Variants in SLIT2 observed in about 807,000 individuals in gnomAD.
SLIT2 encodes slit guidance ligand 2.
In SLIT2, 41 loss-of-function variants were observed where a neutral mutation model predicts 185.7. That is an observed-to-expected ratio of 0.22 (90% CI 0.17 to 0.29). The LOEUF (loss-of-function observed/expected upper bound fraction) is 0.29, where lower values mean the gene tolerates loss of function less well. Among genes scored for constraint, SLIT2 ranks in the 10% least tolerant of loss-of-function variants. The pLI is 1.00. For synonymous variants in SLIT2, 693 were observed against 680.2 expected (o/e 1.02, Z -0.29); for missense variants, 1,571 against 1,909.0 (o/e 0.82, Z 3.30).
intron 9 of SLIT2, among the ~76,000 whole-genome samples, chr4:20,505,423 A>G (rs1719114880): frequency 6.6e-6 from 1 of 152,146 alleles, no homozygotes; most frequent in Non-Finnish European, 1.5e-5. Context: ...AAGATTTGGC[A>G]TGTGGATGTT....
At chr4:20,277,837 A>G (rs985731100) in intron 4 of SLIT2, among the ~76,000 whole-genome samples, 1 of 151,176 alleles carries the variant, frequency 6.6e-6, no homozygotes, top group Non-Finnish European at 1.5e-5. Context: ...GATTCACTTA[A>G]TTAGAAATAA....
chr4:20,306,371 G>A (rs1351808465), intron 4 of SLIT2, among the ~76,000 whole-genome samples: 2 of 152,134 alleles, frequency 1.3e-5, no homozygotes, highest in Non-Finnish European at 2.9e-5. Flanking sequence ...AATGAAACCT[G>A]TCCATTTAGA....
intron 4 of SLIT2, among the ~76,000 whole-genome samples, chr4:20,294,734 T>C (rs1337684402): frequency 6.6e-6 from 1 of 152,212 alleles, no homozygotes; most frequent in African/African-American, 2.4e-5. Context: ...GAAGATTGAC[T>C]AGCCTTGTTA....
intron 29 of SLIT2, among the ~76,000 whole-genome samples, 197 bp from the exon 30 acceptor site, chr4:20,589,447 T>G (rs1185450515): frequency 6.6e-6 from 1 of 152,220 alleles, no homozygotes; most frequent in African/African-American, 2.4e-5. Context: ...ATCACAACAC[T>G]ACTTAGCAGC....
At chr4:20,399,694 G>C (rs545804456) in intron 4 of SLIT2, among the ~76,000 whole-genome samples, 1 of 151,862 alleles carries the variant, frequency 6.6e-6, no homozygotes, top group South Asian at 2.1e-4. Context: ...GTAGGTAAGA[G>C]TTATATCAAA....
chr4:20,521,088 G>A (rs985994280), intron 12 of SLIT2, among the ~76,000 whole-genome samples: 1 of 152,170 alleles, frequency 6.6e-6, no homozygotes, highest in Admixed American at 6.5e-5. Flanking sequence ...CTCCATGCCA[G>A]TTATTCACAA....
intron 33 of SLIT2, 149 bp from the exon 34 acceptor site, chr4:20,609,864 G>GA (rs1022449011): frequency 1.7e-4 from 103 of 618,038 alleles, no homozygotes; most frequent in Non-Finnish European, 2.2e-4. Flanking sequence ...GCCTATTTTT[G>GA]AAAAAAAATT....
In SLIT2 at chr4:20,391,646, A is replaced by G. The variant is rs77013215; in HGVS notation, c.396-76106A>G. On this transcript the variant is annotated intron_variant, in intron 4 of 36. Transcript: ENST00000504154. ...GCACGATTTCTGATTCAACCATACA[A>G]TACTGGATGGTGGAATAGTTGAGTA... Among the ~76,000 whole-genome samples, 107 of 152,234 alleles carry G rather than the reference A, an allele frequency of 7.0e-4. No individual in the cohort carries two copies. The East Asian group carries it at 0.02, about 28-fold the overall frequency.
chr4:20,489,151 A>C (rs1717541088), intron 8 of SLIT2, among the ~76,000 whole-genome samples, 169 bp downstream of exon 8: 1 of 152,236 alleles, frequency 6.6e-6, no homozygotes, highest in East Asian at 1.9e-4. Context: ...CTGAGACCTC[A>C]CTATATCGGT....
intron 4 of SLIT2, among the ~76,000 whole-genome samples, chr4:20,305,100 A>G (rs1438509863): frequency 6.6e-6 from 1 of 152,140 alleles, no homozygotes; most frequent in Non-Finnish European, 1.5e-5. Context: ...TGAATGTAAT[A>G]TTGAAAGCAA....
At chr4:20,400,270 G>A (rs749211901) in intron 4 of SLIT2, among the ~76,000 whole-genome samples, 3 of 151,632 alleles carry the variant, frequency 2.0e-5, no homozygotes, top group Non-Finnish European at 4.4e-5. Context: ...GGTAAAAGTG[G>A]GTGTGGAGAA....
At chr4:20,290,615 C>A (rs1240706561) in intron 4 of SLIT2, among the ~76,000 whole-genome samples, 1 of 152,148 alleles carries the variant, frequency 6.6e-6, no homozygotes, top group Non-Finnish European at 1.5e-5. Context: ...CTTATGAATA[C>A]CCTTTCTTCA....
At chr4:20,424,201 C>T (rs569574219) in intron 4 of SLIT2, among the ~76,000 whole-genome samples, 1 of 152,166 alleles carries the variant, frequency 6.6e-6, no homozygotes, top group East Asian at 1.9e-4. Flanking sequence ...ACAAACTAAC[C>T]ATAAAACACT....
Position 20,528,361 on chromosome 4 carries a change from T to C in SLIT2, c.1463-588T>C. ...TAAAACATGGTTCCGTCAAGCACCA[T>C]GGAACGTCACGCAGCTTTCTACAGC... On this transcript the variant is annotated intron_variant, in intron 15 of 36. Transcript: ENST00000504154. This position sits in a 1 kb window ranked among gnomAD's most constrained non-coding sequence, Gnocchi z 4.2. 2 of 534,540 alleles carry C rather than the reference T, an allele frequency of 3.7e-6. No homozygotes were observed. Among genetic ancestry groups the C allele is most frequent in the South Asian group, 2.8e-5 (2 of 71,566 alleles). The allele number at this position is 534,540 out of a possible 1,614,324, so 33.1% of individuals were successfully genotyped here.
At chr4:20,485,252 T>C (rs1717102501) in intron 6 of SLIT2, among the ~76,000 whole-genome samples, 1 of 152,160 alleles carries the variant, frequency 6.6e-6, no homozygotes, top group Admixed American at 6.6e-5. Flanking sequence ...TATTAGTTTT[T>C]GTAATTTGTC....
intron 34 of SLIT2, among the ~76,000 whole-genome samples, chr4:20,612,039 T>C (rs1199601627): frequency 6.6e-6 from 1 of 152,120 alleles, no homozygotes; most frequent in Non-Finnish European, 1.5e-5. Flanking sequence ...TCCACTTCAT[T>C]AAATCTTTCG....
chr4:20,584,182 A>C (rs1393525062), intron 29 of SLIT2, among the ~76,000 whole-genome samples: 2 of 152,224 alleles, frequency 1.3e-5, no homozygotes, highest in African/African-American at 2.4e-5. Context: ...CCAGAGCCTC[A>C]GTTTACTGAT....
At chr4:20,460,062 C>T (rs1201693588) in intron 4 of SLIT2, among the ~76,000 whole-genome samples, 1 of 151,992 alleles carries the variant, frequency 6.6e-6, no homozygotes, top group Non-Finnish European at 1.5e-5. Context: ...CGAGTTTTCA[C>T]CATGTTGGCC....
intron 4 of SLIT2, among the ~76,000 whole-genome samples, chr4:20,307,724 A>G (rs999360163): frequency 4.6e-5 from 7 of 152,188 alleles, no homozygotes; most frequent in African/African-American, 1.7e-4. Context: ...AGGGACTCTA[A>G]TTCTTTGCAT....
Sources: allele counts gnomAD v4.1 joint callset (sites outside exome capture counted in the v4.1 genomes callset), GRCh38; gene constraint gnomAD v4.1.1; non-coding constraint Gnocchi (gnomAD v3.1); transcripts MANE v1.5; gene names NCBI Gene and HGNC (gene_info 2026-07-23, HGNC 2026-07-21).